Variants in ELAVL4 observed in about 807,000 individuals in gnomAD.
The protein encoded by ELAVL4 is ELAV like RNA binding protein 4, also known as ELAV-like protein 4.
In ELAVL4, 1 loss-of-function variant was observed where a neutral mutation model predicts 35.6. The observed-to-expected ratio is 0.03, with a 90% CI of 0.01 to 0.13. The LOEUF is 0.13. Ranked by LOEUF, ELAVL4 falls within the 10% of genes least tolerant of loss-of-function variation. The pLI, the probability that ELAVL4 is intolerant of heterozygous loss-of-function variation, is 1.00. For missense variants in ELAVL4, 267 were observed against 464.9 expected, an observed-to-expected ratio of 0.57 and a Z score of 3.91; for synonymous variants, 156 against 171.0, an observed-to-expected ratio of 0.91 and a Z score of 0.69.
At chr1:50,109,879 T>C in intron 1 of ELAVL4, 4 of 1,605,998 alleles carry the variant, frequency 2.5e-6, no homozygotes, top group Non-Finnish European at 3.4e-6. Context: ...TGTCAGCTTT[T>C]ACATAACGTT....
Position 50,127,167 on chromosome 1 carries a change from G to A in ELAVL4, c.10-17790G>A, listed in dbSNP as rs367902323. ...CTCCTCCTATGTCCCCGTGTGCTCT[G>A]CCTCTAAACTCTCCTAGCACCCTGC... is the stretch of plus-strand genomic sequence containing the variant. On this transcript the variant is annotated intron_variant, in intron 1 of 6. Coordinates refer to ENST00000371824, the MANE Select transcript of ELAVL4 (RefSeq NM_001144774.3). Among the ~76,000 whole-genome samples the A allele has an allele frequency of 4.6e-5, 7 of 152,190 alleles. No homozygotes were observed. The East Asian group carries it at 1.2e-3, about 25-fold the overall frequency.
At chr1:50,053,177 T>C (rs1408562176) in intron 1 of ELAVL4, among the ~76,000 whole-genome samples, 1 of 152,242 alleles carries the variant, frequency 6.6e-6, no homozygotes, top group Admixed American at 6.5e-5. Flanking sequence ...AATTTTCACC[T>C]ATGAGCAACA....
intron 3 of ELAVL4, among the ~76,000 whole-genome samples, chr1:50,178,831 A>C (rs754129862): frequency 6.6e-6 from 1 of 152,174 alleles, no homozygotes; most frequent in Non-Finnish European, 1.5e-5. Flanking sequence ...TCAGCATTAG[A>C]ATGTCAGATG....
At chr1:50,059,544 G>A (rs1331930872) in intron 1 of ELAVL4, among the ~76,000 whole-genome samples, 2 of 151,792 alleles carry the variant, frequency 1.3e-5, no homozygotes, top group Non-Finnish European at 2.9e-5. Context: ...TATTGGTGAG[G>A]AGGTTTTTTA....
chr1:50,064,316 C>T (rs1312693290), intron 1 of ELAVL4, among the ~76,000 whole-genome samples: 2 of 152,116 alleles, frequency 1.3e-5, no homozygotes, highest in Admixed American at 1.3e-4. Context: ...TTTTCCCTGG[C>T]CCCTAAGGGC....
intron 1 of ELAVL4, among the ~76,000 whole-genome samples, chr1:50,126,247 T>C (rs542545510): frequency 4.6e-5 from 7 of 152,022 alleles, no homozygotes; most frequent in South Asian, 2.1e-4. Context: ...TAAAATTAGA[T>C]TTGCTGTAAA....
intron 3 of ELAVL4, among the ~76,000 whole-genome samples, chr1:50,179,064 C>T (rs1363965309): frequency 3.3e-5 from 5 of 151,982 alleles, no homozygotes; most frequent in Non-Finnish European, 5.9e-5. Flanking sequence ...CCCATCATGC[C>T]ATCAGATGCT....
intron 6 of ELAVL4, among the ~76,000 whole-genome samples, 195 bp from the exon 7 acceptor site, chr1:50,200,656 C>T (rs1323617256): frequency 6.6e-6 from 1 of 152,144 alleles, no homozygotes; most frequent in Non-Finnish European, 1.5e-5. Context: ...CATGAACATG[C>T]CCTAGCCAGT....
chr1:50,121,403 A>T (rs1259734672), intron 1 of ELAVL4, among the ~76,000 whole-genome samples: 2 of 152,044 alleles, frequency 1.3e-5, no homozygotes, highest in Non-Finnish European at 2.9e-5. Context: ...CGGCATTAAA[A>T]ATTAAAACAA....
rs377391731 is a variant in ELAVL4 at position 50,064,455 on chromosome 1, A to T, written c.18+16273A>T. ...TACTATTCATTTTCTAGATCTATTG[A>T]TTGGCATGACGTGGTAGTTGTTTCA... On this transcript the variant is annotated intron_variant, in intron 1 of 6. Transcript: ENST00000448907. Among the ~76,000 whole-genome samples the T allele has an allele frequency of 3.0e-4, 46 of 152,056 alleles. 1 individual carries two copies. The South Asian group carries it at 8.7e-3, about 29-fold the overall frequency.
rs539835221 is a variant in ELAVL4 at position 50,121,458 on chromosome 1, G to A, written c.9+12260G>A. On this transcript the variant is annotated intron_variant, in intron 1 of 6. Transcript: ENST00000371824. ...GAAATAGAAAAGAAAGTATCATTGG[G>A]TGGTACTTATTAAGGGTTAGTATTA... 1.1e-3 allele frequency among the ~76,000 whole-genome samples: 168 copies of A among 152,140 alleles called. 2 individuals are homozygous for A. Among genetic ancestry groups the A allele is most frequent in the Non-Finnish European group, 1.8e-3 (122 of 67,956 alleles).
intron 2 of ELAVL4, among the ~76,000 whole-genome samples, chr1:50,171,919 A>G (rs1679073348): frequency 1.3e-5 from 2 of 152,202 alleles, no homozygotes; most frequent in Admixed American, 1.3e-4. Flanking sequence ...TGGGGATTTT[A>G]TCATGCACTT....
At chr1:50,105,958 T>A (rs1304509069), upstream of ELAVL4, 8 of 231,082 alleles carry the variant, frequency 3.5e-5, no homozygotes, top group African/African-American at 1.8e-4. Flanking sequence ...GAGGTAATAT[T>A]TTGTCACTTT....
At chr1:50,176,817 CTT>C (rs2148826045) in intron 2 of ELAVL4, among the ~76,000 whole-genome samples, 1 of 152,328 alleles carries the variant, frequency 6.6e-6, no homozygotes, top group East Asian at 1.9e-4. Context: ...TTGTGTATCT[CTT>C]GTGTGGCTGT....
intron 1 of ELAVL4, among the ~76,000 whole-genome samples, chr1:50,053,223 A>G (rs1328707039): frequency 1.3e-5 from 2 of 152,262 alleles, no homozygotes; most frequent in African/African-American, 4.8e-5. Context: ...TGAGTCTATT[A>G]TATTTAAAAT....
intron 1 of ELAVL4, among the ~76,000 whole-genome samples, chr1:50,081,297 T>C (rs1175200823): frequency 6.6e-6 from 1 of 152,196 alleles, no homozygotes; most frequent in Admixed American, 6.6e-5. Flanking sequence ...GTAAATCAGA[T>C]GGTTCTTCAA....
intron 4 of ELAVL4, among the ~76,000 whole-genome samples, chr1:50,194,426 T>C (rs1683128532): frequency 6.6e-6 from 1 of 152,170 alleles, no homozygotes; most frequent in African/African-American, 2.4e-5. Context: ...TGGTGTTCTT[T>C]GTCCATAATA....
At chr1:50,127,576 C>A (rs1232944528) in intron 1 of ELAVL4, among the ~76,000 whole-genome samples, 1 of 152,118 alleles carries the variant, frequency 6.6e-6, no homozygotes, top group East Asian at 1.9e-4. Flanking sequence ...TGTCTACTAA[C>A]CTTCCAAGAC....
intron 2 of ELAVL4, chr1:50,175,978 GC>G (rs1301936062): frequency 6.6e-6 from 1 of 152,162 alleles, no homozygotes; most frequent in East Asian, 1.9e-4. Context: ...CAATAACATT[GC>G]TTGGGAAGTT....
Sources: gnomAD v4.1 joint callset for allele counts (sites outside exome capture counted in the v4.1 genomes callset) on GRCh38, gnomAD v4.1.1 for gene constraint, MANE v1.5 for transcripts, NCBI Gene and HGNC (gene_info 2026-07-23, HGNC 2026-07-21) for gene names.